The following DGAT2 variants were observed in gnomAD, a reference collection of about 807,000 sequenced individuals.
DGAT2 encodes diacylglycerol O-acyltransferase 2.
In DGAT2, 33 loss-of-function variants were observed where a neutral mutation model predicts 48.4. The ratio of observed to expected loss-of-function variants is 0.68; its 90% confidence interval spans 0.52 to 0.91. The LOEUF is 0.91. DGAT2 is among the 40% of genes least tolerant of loss of function. The pLI is 0.00. For synonymous variants in DGAT2, 191 were observed against 194.1 expected, an observed-to-expected ratio of 0.98 and a Z score of 0.13; for missense variants, 446 against 493.7, an observed-to-expected ratio of 0.90 and a Z score of 0.92.
intron 1 of DGAT2, among the ~76,000 whole-genome samples, chr11:75,775,270 A>G (rs770702587): frequency 6.6e-6 from 1 of 152,128 alleles, no homozygotes; most frequent in Non-Finnish European, 1.5e-5. Flanking sequence ...AGGTCTACAG[A>G]TGCTCAGGAT....
At chr11:75,778,077 G>C (rs1944819486) in intron 1 of DGAT2, among the ~76,000 whole-genome samples, 1 of 152,118 alleles carries the variant, frequency 6.6e-6, no homozygotes, top group African/African-American at 2.4e-5. Flanking sequence ...TTAGTACCTT[G>C]TATGTGCTCT....
intron 4 of DGAT2, chr11:75,793,709 C>T (rs1172386900): frequency 6.6e-6 from 1 of 152,240 alleles, no homozygotes; most frequent in Non-Finnish European, 1.5e-5. Context: ...GTGATGGTCA[C>T]CTGCCAGGGT....
At chr11:75,781,162 G>A (rs879389860) in intron 1 of DGAT2, among the ~76,000 whole-genome samples, 2 of 152,224 alleles carry the variant, frequency 1.3e-5, no homozygotes, top group Admixed American at 6.5e-5. Flanking sequence ...GGTTATTTCT[G>A]TGGGTGGCAA....
intron 5 of DGAT2, 135 bp downstream of exon 5, chr11:75,796,667 A>AGCCCT: frequency 1.1e-6 from 1 of 885,430 alleles, no homozygotes; most frequent in Non-Finnish European, 1.7e-6. Flanking sequence ...AACCTGCTTC[A>AGCCCT]GACATGGTGG....
intron 4 of DGAT2, chr11:75,792,114 G>C (rs977592323): frequency 1.3e-5 from 2 of 152,276 alleles, no homozygotes; most frequent in Non-Finnish European, 2.9e-5. Flanking sequence ...CATCCACTTA[G>C]AACAGGATGA....
rs925201438 is a variant in DGAT2, at chr11:75,769,015, C to T, written c.24C>T (p.Tyr8=). 6.3e-7 allele frequency: 1 copy of T among 1,574,844 alleles called. No individual in the cohort carries two copies. Among genetic ancestry groups the T allele is most frequent in the Non-Finnish European group, 8.6e-7 (1 of 1,163,142 alleles). Residue 8 remains tyrosine (Y), a synonymous_variant, in exon 1 of 8, where the codon TAC becomes TAT. Coordinates refer to ENST00000228027, the MANE Select transcript of DGAT2 (RefSeq NM_032564.5). MKTLIAA[Y]SGVLRGERQA... is the part of the protein sequence containing the mutation. ...CCATGAAGACCCTCATAGCCGCCTA[C>T]TCCGGGGTCCTGCGCGGCGAGCGTC...
rs186419143 is a variant in DGAT2, at chr11:75,784,436, G to A, written c.122-182G>A. 4.6e-4 allele frequency: 326 copies of A among 704,928 alleles called. 1 individual carries two copies. The African/African-American group carries it at 5.2e-3, about 11-fold the overall frequency. 43.7% of individuals were successfully genotyped at this position (704,928 alleles called of 1,614,324 possible). On this transcript the variant is annotated intron_variant, in intron 1 of 7. Transcript: ENST00000228027. ...AAACCAGGGCACAGGGGAGCATGCA[G>A]ACAGCCCAGAGTTACAAAGCCATGA...
At chr11:75,785,249 G>A (rs927447210) in intron 2 of DGAT2, among the ~76,000 whole-genome samples, 2 of 152,180 alleles carry the variant, frequency 1.3e-5, no homozygotes, top group African/African-American at 4.8e-5. Context: ...TGAGTGTGAG[G>A]AAAGTGCCTG....
intron 2 of DGAT2, among the ~76,000 whole-genome samples, chr11:75,788,336 G>T (rs954087941): frequency 6.6e-6 from 1 of 152,204 alleles, no homozygotes; most frequent in African/African-American, 2.4e-5. Flanking sequence ...GCTACCGTAA[G>T]CTTTTCACAG....
chr11:75,784,821 T>A, intron 2 of DGAT2, 75 bp downstream of exon 2: 2 of 1,598,944 alleles, frequency 1.3e-6, no homozygotes, highest in East Asian at 2.2e-5. Context: ...GCAGGAGCCC[T>A]GCTCTACAGG....
intron 4 of DGAT2, 120 bp from the exon 5 acceptor site, chr11:75,796,208 C>T (rs1945049928): frequency 2.5e-6 from 2 of 808,024 alleles, no homozygotes; most frequent in South Asian, 1.6e-5. Flanking sequence ...AGATTCATTG[C>T]AGCCCTCAGG....
intron 4 of DGAT2, chr11:75,792,392 A>T (rs1944999645): frequency 6.6e-6 from 1 of 152,266 alleles, no homozygotes; most frequent in African/African-American, 2.4e-5. Context: ...GCTTAGGCTG[A>T]GCCTGCCTCT....
intron 1 of DGAT2, among the ~76,000 whole-genome samples, chr11:75,774,282 C>G (rs1944785010): frequency 6.6e-6 from 1 of 152,212 alleles, no homozygotes. Flanking sequence ...GGCCACCGAA[C>G]TGCTCCGCAG....
chr11:75,781,719 G>T (rs1944865918), intron 1 of DGAT2, among the ~76,000 whole-genome samples: 1 of 152,130 alleles, frequency 6.6e-6, no homozygotes, highest in Non-Finnish European at 1.5e-5. Context: ...GATAAGGCAG[G>T]GTGAGAACCG....
chr11:75,785,525 A>G (rs1944912290), intron 2 of DGAT2, among the ~76,000 whole-genome samples: 1 of 152,222 alleles, frequency 6.6e-6, no homozygotes, highest in East Asian at 1.9e-4. Context: ...GTTGCCATCC[A>G]GGCCAGGGGC....
At chr11:75,783,148 A>T (rs1944885062) in intron 1 of DGAT2, among the ~76,000 whole-genome samples, 1 of 152,160 alleles carries the variant, frequency 6.6e-6, no homozygotes, top group Non-Finnish European at 1.5e-5. Context: ...GTGTTATTAG[A>T]TGCTACTGAA....
intron 1 of DGAT2, among the ~76,000 whole-genome samples, chr11:75,774,337 A>G (rs761011402): frequency 2.4e-4 from 36 of 152,224 alleles, no homozygotes; most frequent in Non-Finnish European, 4.9e-4. Context: ...CTCCTCATCT[A>G]TGAAATGAGC....
chr11:75,798,020 C>T (rs1945074582), intron 6 of DGAT2, among the ~76,000 whole-genome samples: 1 of 152,222 alleles, frequency 6.6e-6, no homozygotes, highest in Non-Finnish European at 1.5e-5. Flanking sequence ...ACCCAGAGCT[C>T]TGATATGCTC....
At chr11:75,781,441 A>G (rs543795509) in intron 1 of DGAT2, among the ~76,000 whole-genome samples, 3 of 152,370 alleles carry the variant, frequency 2.0e-5, no homozygotes, top group Admixed American at 6.5e-5. Context: ...CTCCCAGGCC[A>G]CGGCCTCCAT....
Sources: allele counts gnomAD v4.1 joint callset (sites outside exome capture counted in the v4.1 genomes callset), GRCh38; gene constraint gnomAD v4.1.1; transcripts MANE v1.5; gene names NCBI Gene and HGNC (gene_info 2026-07-23, HGNC 2026-07-21).